AK4: variants seen among roughly 807,000 people sequenced by gnomAD.
AK4 encodes adenylate kinase 4.
AK4 carries 13 observed loss-of-function variants against 24.6 expected under a neutral mutation model. The observed-to-expected ratio is 0.53, with a 90% CI of 0.34 to 0.84. AK4 has a LOEUF of 0.84. AK4 is among the 40% of genes least tolerant of loss of function. The pLI is 0.01. For synonymous variants in AK4, 88 were observed against 107.0 expected (o/e 0.82, Z 1.10); for missense variants, 192 against 288.2 (o/e 0.67, Z 2.42).
chr1:65,182,537 T>TAAAAAAA (rs961359415), intron 1 of AK4, among the ~76,000 whole-genome samples: 1 of 144,942 alleles, frequency 6.9e-6, no homozygotes, highest in African/African-American at 2.5e-5. Flanking sequence ...GACATTCAGA[T>TAAAAAAA]AAAAAAAAAA....
chr1:65,157,498 A>T (rs75303412), intron 1 of AK4, among the ~76,000 whole-genome samples: 1 of 152,088 alleles, frequency 6.6e-6, no homozygotes, highest in African/African-American at 2.4e-5. Context: ...AAATAACACA[A>T]TTGGGCTGGG....
At chr1:65,187,633 C>A (rs930644236) in intron 1 of AK4, among the ~76,000 whole-genome samples, 30 of 152,120 alleles carry the variant, frequency 2.0e-4, no homozygotes, top group Admixed American at 1.9e-3. Context: ...GGATTACCTT[C>A]TATCTGAAGG....
chr1:65,178,759 G>A (rs1363862215), intron 1 of AK4, among the ~76,000 whole-genome samples: 4 of 152,132 alleles, frequency 2.6e-5, no homozygotes, highest in African/African-American at 9.7e-5. Context: ...TTTCCTCCAC[G>A]AGTCTGTAGA....
At chr1:65,193,650 C>T (rs1651379055) in intron 2 of AK4, among the ~76,000 whole-genome samples, 2 of 152,222 alleles carry the variant, frequency 1.3e-5, no homozygotes, top group Non-Finnish European at 2.9e-5. Context: ...ACCACTCCCT[C>T]ATACCAAAAT....
chr1:65,180,789 G>C (rs1322611567), intron 1 of AK4, among the ~76,000 whole-genome samples: 1 of 152,172 alleles, frequency 6.6e-6, no homozygotes, highest in Non-Finnish European at 1.5e-5. Flanking sequence ...CAGGCCCCTT[G>C]AGATGCGTGT....
intron 1 of AK4, among the ~76,000 whole-genome samples, chr1:65,172,457 G>A (rs1326419402): frequency 1.3e-5 from 2 of 152,050 alleles, no homozygotes; most frequent in African/African-American, 4.8e-5. Context: ...ATTTTAAAGT[G>A]ACTCTAAAAT....
chr1:65,220,925 A>G (rs1652276830), intron 3 of AK4, among the ~76,000 whole-genome samples: 1 of 152,148 alleles, frequency 6.6e-6, no homozygotes, highest in South Asian at 2.1e-4. Flanking sequence ...TGAGGGCTGT[A>G]TCCTGGGCTG....
Position 65,173,809 on chromosome 1 carries a change from G to A in AK4, c.146-16901G>A, listed in dbSNP as rs72677682. Among the ~76,000 whole-genome samples the A allele has an allele frequency of 2.6e-3, 388 of 152,108 alleles. 1 individual carries two copies. Among genetic ancestry groups the A allele is most frequent in the Non-Finnish European group, 4.0e-3 (274 of 68,010 alleles). On this transcript the variant is annotated intron_variant, in intron 1 of 4. Transcript: ENST00000327299. The stretch of plus-strand genomic sequence containing the variant: ...ACCCGGGAAGCTGAGGATGCAGTGA[G>A]GCATAATTGTGCCACTGTACTCCAG...
intron 3 of AK4, among the ~76,000 whole-genome samples, chr1:65,219,864 T>G (rs2101087141): frequency 6.6e-6 from 1 of 152,338 alleles, no homozygotes; most frequent in East Asian, 1.9e-4. Context: ...TTTCATGGTC[T>G]TATAATTTAT....
intron 2 of AK4, among the ~76,000 whole-genome samples, chr1:65,215,749 C>T (rs1010091355): frequency 6.6e-6 from 1 of 152,200 alleles, no homozygotes. Flanking sequence ...TTTACTCCTC[C>T]AGAGGGCTCT....
intron 1 of AK4, among the ~76,000 whole-genome samples, chr1:65,150,684 C>G (rs1371433146): frequency 6.6e-6 from 1 of 152,176 alleles, no homozygotes; most frequent in Admixed American, 6.5e-5. Context: ...ACACAACCAC[C>G]CTTCTGTATG....
At position 65,227,208 on chromosome 1, in the gene AK4, A is replaced by G. The variant is rs1652493035; in HGVS notation, c.*1031A>G. On this transcript the variant is annotated 3_prime_UTR_variant, in exon 5 of 5. Transcript: ENST00000327299. Reference sequence around the variant, plus strand: ...GTTTCTATTCGGGACAATAAAATGTATTTTGAAAGTGCTGCTAACTATTGA... The same window carrying G: ...GTTTCTATTCGGGACAATAAAATGTGTTTTGAAAGTGCTGCTAACTATTGA... The G allele has an allele frequency of 1.6e-5, 2 of 128,350 alleles. No homozygotes were observed. Among genetic ancestry groups the G allele is most frequent in the Non-Finnish European group, 3.3e-5 (2 of 61,426 alleles). 8.0% of individuals were successfully genotyped at this position (128,350 alleles called of 1,614,324 possible). A position where few individuals can be genotyped will look rare whatever the true frequency, so the allele number is the denominator to read the frequency against.
chr1:65,223,863 G>A (rs1202446253), intron 3 of AK4, among the ~76,000 whole-genome samples: 2 of 152,080 alleles, frequency 1.3e-5, no homozygotes, highest in Non-Finnish European at 2.9e-5. Flanking sequence ...TGGGCATGGT[G>A]GCAGGCACCT....
At chr1:65,207,065 C>A (rs1415617932) in intron 2 of AK4, among the ~76,000 whole-genome samples, 1 of 152,208 alleles carries the variant, frequency 6.6e-6, no homozygotes, top group African/African-American at 2.4e-5. Context: ...TTTTATTTCC[C>A]TAAGCCTCTT....
chr1:65,176,385 G>C (rs1650716194), intron 1 of AK4, among the ~76,000 whole-genome samples: 1 of 152,270 alleles, frequency 6.6e-6, no homozygotes, highest in African/African-American at 2.4e-5. Flanking sequence ...GCCTCATGAA[G>C]CATTGGCCCT....
intron 3 of AK4, among the ~76,000 whole-genome samples, chr1:65,219,130 C>A (rs1210710427): frequency 6.6e-6 from 1 of 151,796 alleles, no homozygotes; most frequent in Non-Finnish European, 1.5e-5. Flanking sequence ...ATCTATTGGA[C>A]TGGCAAAATC....
intron 2 of AK4, among the ~76,000 whole-genome samples, chr1:65,215,680 A>G (rs551575061): frequency 1.3e-5 from 2 of 152,292 alleles, no homozygotes; most frequent in South Asian, 4.2e-4. Context: ...AGCAGGTGCT[A>G]TCCAACATGT....
intron 2 of AK4, among the ~76,000 whole-genome samples, chr1:65,194,897 A>G (rs1391515546): frequency 6.6e-6 from 1 of 152,118 alleles, no homozygotes; most frequent in Non-Finnish European, 1.5e-5. Context: ...CAAATTCTTC[A>G]GCCTCTACCC....
intron 1 of AK4, among the ~76,000 whole-genome samples, chr1:65,155,108 C>G (rs559283347): frequency 1.5e-4 from 23 of 152,006 alleles, no homozygotes; most frequent in Admixed American, 1.3e-3. Flanking sequence ...CCTCGGCCTC[C>G]CAAAGTGCTG....
Sources: allele counts gnomAD v4.1 joint callset (sites outside exome capture counted in the v4.1 genomes callset), GRCh38; gene constraint gnomAD v4.1.1; transcripts MANE v1.5; gene names NCBI Gene and HGNC (gene_info 2026-07-23, HGNC 2026-07-21).